The following DAO variants were observed in gnomAD, a reference collection of about 807,000 sequenced individuals.
DAO encodes D-amino-acid oxidase.
Under a neutral mutation model 50.1 loss-of-function variants are expected in DAO, and 51 were observed. The observed-to-expected ratio is 1.02, with a 90% CI of 0.81 to 1.29. DAO has a LOEUF of 1.29. DAO is among the 50% of genes most tolerant of loss of function. DAO has a pLI of 0.00. For missense variants in DAO, 436 were observed against 439.4 expected, an observed-to-expected ratio of 0.99 and a Z score of 0.07; for synonymous variants, 160 against 166.2, an observed-to-expected ratio of 0.96 and a Z score of 0.29.
At chr12:108,896,927 C>A in intron 7 of DAO, 79 bp from the exon 8 acceptor site, 2 of 1,046,880 alleles carry the variant, frequency 1.9e-6, no homozygotes, top group Non-Finnish European at 3.0e-6. Flanking sequence ...CTTGTCAGGA[C>A]ATCTGGCCAC....
chr12:108,881,586 C>T (rs2039380579), intron 1 of DAO, among the ~76,000 whole-genome samples: 1 of 144,842 alleles, frequency 6.9e-6, no homozygotes, highest in African/African-American at 2.6e-5. Context: ...AGGACTCACA[C>T]TTTTTTCCTT....
At chr12:108,896,713 A>G (rs1436992655) in intron 7 of DAO, among the ~76,000 whole-genome samples, 1 of 151,922 alleles carries the variant, frequency 6.6e-6, no homozygotes, top group Admixed American at 6.6e-5. Context: ...GGGGACTTAG[A>G]ATTTTATTTT....
intron 1 of DAO, among the ~76,000 whole-genome samples, chr12:108,880,693 T>C (rs1316134322): frequency 6.6e-5 from 10 of 151,476 alleles, no homozygotes; most frequent in Non-Finnish European, 1.5e-5. Flanking sequence ...TTCATTCAAA[T>C]GCCTCATCTC....
At chr12:108,880,445 T>A (rs1051583827) in intron 1 of DAO, 1 of 300,728 alleles carries the variant, frequency 3.3e-6, no homozygotes, top group African/African-American at 2.2e-5. Context: ...AACATGGGGA[T>A]CATAACTCCC....
At chr12:108,884,967 G>A (rs371215262) in intron 1 of DAO, 31 bp from the exon 2 acceptor site, 4 of 1,597,250 alleles carry the variant, frequency 2.5e-6, no homozygotes, top group African/African-American at 1.3e-5. Context: ...TGATGGTGAT[G>A]ATGTTGTGCC....
rs768676371 is a variant in DAO at position 108,890,213 on chromosome 12, G to T, written c.392G>T (p.Gly131Val). ...ELDMFPDYGY[G>V]WFHTSLILEG... ...TTTGCTTACTGTGACTCTAGCTATG[G>T]CTGGTTCCACACAAGCCTAATTCTG... Residue 131 changes from glycine (G) to valine (V), a missense_variant, in exon 5 of 11, where the codon GGC becomes GTC. Coordinates refer to ENST00000228476, the MANE Select transcript of DAO (RefSeq NM_001917.5). The T allele has an allele frequency of 3.1e-6, 5 of 1,612,884 alleles. No individual in the cohort carries two copies. The highest frequency in any genetic ancestry group is 4.2e-6 in the Non-Finnish European group (5 of 1,178,976).
rs2039422704 is a variant in DAO, at chr12:108,885,185, A to G, written c.179A>G (p.Asn60Ser). The G allele has an allele frequency of 6.2e-6, 10 of 1,613,168 alleles. 1 individual carries two copies. In the South Asian group the frequency reaches 9.9e-5, roughly 16 times the overall value. ...GLWQPYLSDP[N>S]NPQEADWSQQ... The stretch of plus-strand genomic sequence containing the variant: ...TGGCAGCCCTACCTTTCTGACCCCA[A>G]CAACCCACAGGAGGCGTGAGTGAGG... The change falls in exon 2 of 11, where the codon AAC becomes AGC. Residue 60 changes from asparagine to serine, a missense_variant. Physicochemically the swap from Asn to Ser is conservative, Grantham distance 46. Transcript: ENST00000228476.
intron 9 of DAO, 25 bp downstream of exon 9, chr12:108,898,821 C>A (rs778902996): frequency 6.5e-7 from 1 of 1,533,708 alleles, no homozygotes; most frequent in Non-Finnish European, 9.0e-7. Flanking sequence ...AGTAGCAGTG[C>A]CCTAAACCAA....
chr12:108,895,471 T>G (rs1162752363), intron 7 of DAO, among the ~76,000 whole-genome samples: 3 of 122,918 alleles, frequency 2.4e-5, no homozygotes, highest in Admixed American at 8.4e-5. Flanking sequence ...GTGGGGGTGA[T>G]TGTGCATGTA....
At position 108,898,733 on chromosome 12, in the gene DAO, A is replaced by G. The variant is rs765376270; in HGVS notation, c.750A>G (p.Leu250=). Residue 250 remains leucine (L), a synonymous_variant, in exon 9 of 11, where the codon CTA becomes CTG. Coordinates refer to ENST00000228476, the MANE Select transcript of DAO (RefSeq NM_001917.5). ...TCCAGTTGGGAAACTGGAGTGAACTAAACAATATCCAGGACCACAACACCA... is the reference window on the plus strand; with the variant it reads ...TCCAGTTGGGAAACTGGAGTGAACTGAACAATATCCAGGACCACAACACCA... ...GIFQLGNWSE[L]NNIQDHNTIW... 1.9e-6 allele frequency: 3 copies of G among 1,614,104 alleles called. No individual in the cohort carries two copies. The highest frequency in any genetic ancestry group is 2.5e-6 in the Non-Finnish European group (3 of 1,179,990).
In DAO at chr12:108,896,993, C is replaced by T; in HGVS notation, c.613-13C>T. 1 of 1,610,086 alleles carries T rather than the reference C, an allele frequency of 6.2e-7. No individual in the cohort carries two copies. Among genetic ancestry groups the T allele is most frequent in the Non-Finnish European group, 8.5e-7 (1 of 1,176,366 alleles). On this transcript the variant is annotated splice_polypyrimidine_tract_variant and intron_variant, in intron 7 of 10. Coordinates refer to ENST00000228476, the MANE Select transcript of DAO (RefSeq NM_001917.5). ...ACCTCCGCTGATGAGACTTTCCTGC[C>T]CTGAATCAACAGGTGGACGCCCCTT... is the stretch of plus-strand genomic sequence containing the variant.
chr12:108,897,023 GA>G lies in DAO; in HGVS notation c.632del (p.Lys211SerfsTer40). The part of the protein sequence containing the change: ...QIMKVDAPWM[K>X]HFILTHDPER... ...ATCAACAGGTGGACGCCCCTTGGAT[GA>G]AGCACTTCATTCTCACCCATGACCC... On this transcript the variant is annotated frameshift_variant, in exon 8 of 11. Transcript: ENST00000228476. LOFTEE classifies it high-confidence loss of function. 1 of 1,613,946 alleles carries G rather than the reference GA, an allele frequency of 6.2e-7. No individual in the cohort carries two copies. The highest frequency in any genetic ancestry group is 8.5e-7 in the Non-Finnish European group (1 of 1,179,888).
intron 3 of DAO, among the ~76,000 whole-genome samples, chr12:108,888,063 G>A (rs988199422): frequency 6.6e-6 from 1 of 152,208 alleles, no homozygotes; most frequent in African/African-American, 2.4e-5. Flanking sequence ...TAATAAATGA[G>A]AAAACGGAGG....
At chr12:108,896,092 A>G (rs1298436544) in intron 7 of DAO, among the ~76,000 whole-genome samples, 1 of 151,916 alleles carries the variant, frequency 6.6e-6, no homozygotes, top group Non-Finnish European at 1.5e-5. Context: ...TACTTGTGAA[A>G]CTTTAGTTAG....
intron 3 of DAO, 111 bp from the exon 4 acceptor site, chr12:108,889,358 T>C (rs537602296): frequency 7.6e-5 from 54 of 705,996 alleles, no homozygotes; most frequent in South Asian, 7.4e-4. Flanking sequence ...GATCCACCCA[T>C]CTCAGCTTCC....
At chr12:108,898,349 C>G in intron 8 of DAO, 1 of 370,108 alleles carries the variant, frequency 2.7e-6, no homozygotes, top group Non-Finnish European at 5.3e-6. Context: ...CATGGTTGCA[C>G]CAACCATGTT....
chr12:108,892,740 C>A (rs2039505609), intron 5 of DAO, among the ~76,000 whole-genome samples: 1 of 152,150 alleles, frequency 6.6e-6, no homozygotes, highest in Admixed American at 6.5e-5. Flanking sequence ...AAGGCCCTTC[C>A]CCCACTCCAT....
At position 108,894,262 on chromosome 12, in the gene DAO, G is replaced by C; in HGVS notation, c.508-1G>C. 1 of 1,613,538 alleles carries C rather than the reference G, an allele frequency of 6.2e-7. No homozygotes were observed. Among genetic ancestry groups the C allele is most frequent in the Non-Finnish European group, 8.5e-7 (1 of 1,179,678 alleles). ...CCCACTACCCTGTTGGTTGCTACCA[G>C]GTGGCAAGAGAAGGCGCAGACGTGA... On this transcript the variant is annotated splice_acceptor_variant, in intron 6 of 10. Coordinates refer to ENST00000228476, the MANE Select transcript of DAO (RefSeq NM_001917.5). LOFTEE classifies it high-confidence loss of function.
At chr12:108,892,830 G>C in intron 5 of DAO, 152 bp from the exon 6 acceptor site, 1 of 733,844 alleles carries the variant, frequency 1.4e-6, no homozygotes, top group Middle Eastern at 2.7e-4. Flanking sequence ...GTGCTCATGA[G>C]CTGATTTGAT....
Sources: allele counts gnomAD v4.1 joint callset (sites outside exome capture counted in the v4.1 genomes callset), GRCh38; gene constraint gnomAD v4.1.1; transcripts MANE v1.5; gene names NCBI Gene and HGNC (gene_info 2026-07-23, HGNC 2026-07-21).